Variants in RAB6B observed in about 807,000 individuals in gnomAD.
The protein encoded by RAB6B is ras-related protein Rab-6B.
RAB6B carries 7 observed loss-of-function variants against 31.2 expected under a neutral mutation model. The ratio of observed to expected loss-of-function variants is 0.22; its 90% CI spans 0.13 to 0.42. RAB6B has a LOEUF of 0.42. RAB6B is among the 10% of genes least tolerant of loss of function. RAB6B has a pLI of 1.00. For missense variants in RAB6B, 149 were observed against 280.6 expected, an observed-to-expected ratio of 0.53 and a Z score of 3.35; for synonymous variants, 105 against 104.9, an observed-to-expected ratio of 1.00 and a Z score of -0.01.
chr3:133,833,355 C>T (rs1221028823), intron 7 of RAB6B, among the ~76,000 whole-genome samples: 3 of 152,174 alleles, frequency 2.0e-5, no homozygotes, highest in Admixed American at 6.5e-5. Flanking sequence ...CCCCTCCTCT[C>T]GGCCACTGCT....
chr3:133,870,259 C>T (rs1255727559), intron 1 of RAB6B, among the ~76,000 whole-genome samples: 1 of 152,128 alleles, frequency 6.6e-6, no homozygotes, highest in African/African-American at 2.4e-5. Flanking sequence ...GCTTATAAAA[C>T]CATCAGATCT....
At chr3:133,885,335 G>A (rs567912604) in intron 1 of RAB6B, among the ~76,000 whole-genome samples, 36 of 148,140 alleles carry the variant, frequency 2.4e-4, no homozygotes, top group South Asian at 8.6e-4. Flanking sequence ...ACCAGAGGAC[G>A]GGGGACTCAC....
chr3:133,864,517 T>C, intron 2 of RAB6B, 67 bp downstream of exon 2: 1 of 1,524,344 alleles, frequency 6.6e-7, no homozygotes, highest in East Asian at 2.3e-5. Context: ...CCACCCCAGC[T>C]CAGCAAGTTT....
intron 1 of RAB6B, among the ~76,000 whole-genome samples, chr3:133,867,068 G>A (rs913617014): frequency 6.6e-6 from 1 of 152,188 alleles, no homozygotes. Flanking sequence ...CTGAAAACTT[G>A]GAAATCCCTG....
Position 133,841,290 on chromosome 3 carries a change from A to T in RAB6B, c.284T>A (p.Ile95Asn). 6.2e-7 allele frequency: 1 copy of T among 1,614,000 alleles called. No homozygotes were observed. The highest frequency in any genetic ancestry group is 8.5e-7 in the Non-Finnish European group (1 of 1,179,934). The part of the protein sequence containing the change: ...DSTVAVVVYD[I>N]TNLNSFQQTS... ...AGGAGCAGAGCCTCACTCACTTGTG[A>T]TGTCGTACACCACCACAGCCACCGT... Residue 95 changes from isoleucine to asparagine, a missense_variant, in exon 4 of 8, where the codon ATC (isoleucine) becomes AAC (asparagine). This residue lies in a region of RAB6B where 75 missense variants were observed against 180.1 expected (regional missense o/e 0.42). Coordinates refer to ENST00000285208, the MANE Select transcript of RAB6B (RefSeq NM_016577.4).
At chr3:133,865,151 C>G (rs1936218403) in intron 1 of RAB6B, among the ~76,000 whole-genome samples, 1 of 152,220 alleles carries the variant, frequency 6.6e-6, no homozygotes, top group Non-Finnish European at 1.5e-5. Flanking sequence ...GTCATTTCCC[C>G]ATGTCTCTCA....
Position 133,895,629 on chromosome 3 carries a change from T to A in RAB6B, c.-163A>T. On this transcript the variant is annotated 5_prime_UTR_variant, in exon 1 of 8. Coordinates refer to ENST00000285208, the MANE Select transcript of RAB6B (RefSeq NM_016577.4). ...CCCCAGCTGCGTCCCGGTCCCGGCC[T>A]GCGGCTGCGTGTCCGGCGGCGGAGG... The A allele has an allele frequency of 1.6e-6, 1 of 638,086 alleles. No homozygotes were observed. Among genetic ancestry groups the A allele is most frequent in the South Asian group, 2.0e-5 (1 of 50,748 alleles). 39.5% of individuals were successfully genotyped at this position (638,086 alleles called of 1,614,324 possible).
At chr3:133,862,459 G>A (rs1936173318) in intron 2 of RAB6B, among the ~76,000 whole-genome samples, 1 of 152,224 alleles carries the variant, frequency 6.6e-6, no homozygotes, top group Non-Finnish European at 1.5e-5. Context: ...GATGCTATAG[G>A]AAAGATGGTC....
chr3:133,842,571 C>T (rs1360067707), intron 2 of RAB6B, among the ~76,000 whole-genome samples: 2 of 152,204 alleles, frequency 1.3e-5, no homozygotes, highest in Non-Finnish European at 2.9e-5. Flanking sequence ...CAGCTGTTAA[C>T]AATCACATTC....
chr3:133,869,628 G>T (rs1299665304), intron 1 of RAB6B, among the ~76,000 whole-genome samples: 1 of 152,134 alleles, frequency 6.6e-6, no homozygotes, highest in Admixed American at 6.5e-5. Flanking sequence ...GGTGAATCTG[G>T]GCAGGCCTGT....
At chr3:133,849,830 A>G (rs115660540) in intron 2 of RAB6B, among the ~76,000 whole-genome samples, 145 of 152,366 alleles carry the variant, frequency 9.5e-4, no homozygotes, top group African/African-American at 3.5e-3. Context: ...TTCCCAGAAG[A>G]GAAAAGTCAG....
At position 133,827,656 on chromosome 3, in the gene RAB6B, C is replaced by T. The variant is rs1935587383; in HGVS notation, c.*1132G>A. 1 of 547,486 alleles carries T rather than the reference C, an allele frequency of 1.8e-6. No individual in the cohort carries two copies. Among genetic ancestry groups the T allele is most frequent in the South Asian group, 2.3e-5 (1 of 43,152 alleles). The allele number at this position is 547,486 out of a possible 1,614,324, so 33.9% of individuals were successfully genotyped here. On this transcript the variant is annotated 3_prime_UTR_variant, in exon 8 of 8. Coordinates refer to ENST00000285208, the MANE Select transcript of RAB6B (RefSeq NM_016577.4). ...TGCCACTGGGGTGAAAACATAGCAA[C>T]AAATCAGCTTTTCCAGAAAGCACTC...
chr3:133,835,847 A>G (rs1046864373), intron 6 of RAB6B, among the ~76,000 whole-genome samples: 2 of 152,052 alleles, frequency 1.3e-5, no homozygotes, highest in Non-Finnish European at 2.9e-5. Context: ...ATGGGCCCTC[A>G]CCAGACACTG....
rs1454800181 is a variant in RAB6B at position 133,824,411 on chromosome 3, A to G, written c.*4377T>C. 4.6e-5 allele frequency: 7 copies of G among 152,002 alleles called. No individual in the cohort carries two copies. The allele number at this position is 152,002 out of a possible 1,614,324, so 9.4% of individuals were successfully genotyped here. ...TCACTTTAAAGGGATGGGTGAGGGG[A>G]AAGTGAGGGGAGAAGTGGACACACA... On this transcript the variant is annotated 3_prime_UTR_variant, in exon 8 of 8. Transcript: ENST00000285208.
chr3:133,832,884 C>T (rs921716567), intron 7 of RAB6B, among the ~76,000 whole-genome samples: 9 of 152,212 alleles, frequency 5.9e-5, no homozygotes, highest in African/African-American at 2.2e-4. Flanking sequence ...CTAGGCATAC[C>T]AGGACGATGA....
intron 7 of RAB6B, among the ~76,000 whole-genome samples, chr3:133,832,896 G>A (rs895530470): frequency 2.6e-5 from 4 of 152,174 alleles, no homozygotes; most frequent in African/African-American, 9.6e-5. Context: ...GGACGATGAC[G>A]AGCTCACTGT....
Position 133,827,847 on chromosome 3 carries a change from C to T in RAB6B, c.*941G>A, listed in dbSNP as rs2107983233. On this transcript the variant is annotated 3_prime_UTR_variant, in exon 8 of 8. Transcript: ENST00000285208. Reference sequence around the variant, plus strand: ...GGCTTCAGGATGGCACACTGCCCAACATCACACACTGAGTTTCTTAGACTT... The same window carrying T: ...GGCTTCAGGATGGCACACTGCCCAATATCACACACTGAGTTTCTTAGACTT... 1 of 644,030 alleles carries T rather than the reference C, an allele frequency of 1.6e-6. No homozygotes were observed. Among genetic ancestry groups the T allele is most frequent in the East Asian group, 3.0e-5 (1 of 33,034 alleles). 39.9% of individuals were successfully genotyped at this position (644,030 alleles called of 1,614,324 possible).
intron 1 of RAB6B, among the ~76,000 whole-genome samples, chr3:133,875,469 A>G (rs1936381920): frequency 6.6e-6 from 1 of 152,188 alleles, no homozygotes; most frequent in Non-Finnish European, 1.5e-5. Context: ...TTGCAGTTAT[A>G]AGAGAAGTTC....
At chr3:133,861,879 G>A (rs531381378) in intron 2 of RAB6B, among the ~76,000 whole-genome samples, 1 of 152,316 alleles carries the variant, frequency 6.6e-6, no homozygotes, top group South Asian at 2.1e-4. Context: ...GTGGTGGGGA[G>A]TGATTGCTGT....
Sources: gnomAD v4.1 joint callset for allele counts (sites outside exome capture counted in the v4.1 genomes callset) on GRCh38, gnomAD v4.1.1 for gene constraint, gnomAD v4.1.1 regional missense constraint, MANE v1.5 for transcripts, NCBI Gene and HGNC (gene_info 2026-07-23, HGNC 2026-07-21) for gene names.